Variants in CRK observed in about 807,000 individuals in gnomAD.
CRK encodes the protein CRK proto-oncogene, adaptor protein, also known as adapter molecule crk.
CRK carries 4 observed loss-of-function variants against 29.8 expected under a neutral mutation model. That is an observed-to-expected ratio of 0.13 (90% CI 0.07 to 0.31). The LOEUF (loss-of-function observed/expected upper bound fraction) is 0.31. CRK is among the 10% of genes least tolerant of loss of function. The probability of loss-of-function intolerance (pLI) is 1.00; values close to 1 mark genes in which losing one functional copy is unlikely to be tolerated. For synonymous variants in CRK, 153 were observed against 164.9 expected, an observed-to-expected ratio of 0.93 and a Z score of 0.55; for missense variants, 274 against 396.5, an observed-to-expected ratio of 0.69 and a Z score of 2.62.
intron 1 of CRK, among the ~76,000 whole-genome samples, chr17:1,447,276 A>G (rs910278030): frequency 1.3e-5 from 2 of 152,190 alleles, no homozygotes; most frequent in Admixed American, 1.3e-4. Context: ...TCTCATAGCT[A>G]TCTGGGACTT....
chr17:1,423,621 A>C lies in CRK; in HGVS notation c.807T>G (p.Ile269Met). 6.2e-7 allele frequency: 1 copy of C among 1,614,142 alleles called. No individual in the cohort carries two copies. The highest frequency in any genetic ancestry group is 8.5e-7 in the Non-Finnish European group (1 of 1,180,020). The change falls in exon 3 of 3, where the codon ATT becomes ATG. Residue 269 changes from isoleucine (I) to methionine (M), a missense_variant. Around this residue, in one of 3 missense-constraint regions of CRK, gnomAD observed 121 missense variants for 154.3 expected, o/e 0.78. Transcript: ENST00000300574. ...CCCCTTCCCACTGACCACTCACATTAATCTTCGTAACCTTTACCAGCTCAC... is the reference window on the plus strand; with the variant it reads ...CCCCTTCCCACTGACCACTCACATTCATCTTCGTAACCTTTACCAGCTCAC... ...EVGELVKVTK[I>M]NVSGQWEGEC...
Position 1,436,065 on chromosome 17 carries a change from G to A in CRK, c.777+555C>T, listed in dbSNP as rs1041274041. On this transcript the variant is annotated intron_variant, in intron 2 of 2. Coordinates refer to ENST00000300574, the MANE Select transcript of CRK (RefSeq NM_016823.4). Reference sequence around the variant, plus strand: ...CTTTTTGAATGATTTAGAAAGACCCGTGCACCTGCCACTCCTCGGAATGAG... The same window carrying A: ...CTTTTTGAATGATTTAGAAAGACCCATGCACCTGCCACTCCTCGGAATGAG... Among the ~76,000 whole-genome samples the A allele has an allele frequency of 2.0e-4, 31 of 152,074 alleles. 1 individual carries two copies. Among genetic ancestry groups the A allele is most frequent in the Non-Finnish European group, 7.4e-5 (5 of 68,010 alleles).
intron 1 of CRK, among the ~76,000 whole-genome samples, chr17:1,451,124 C>T (rs1395995873): frequency 1.5e-5 from 2 of 129,534 alleles, no homozygotes; most frequent in African/African-American, 5.9e-5. Flanking sequence ...CCCCACGGGG[C>T]GGAGCTTGCA....
intron 2 of CRK, among the ~76,000 whole-genome samples, chr17:1,425,733 C>CT (rs762974754): frequency 3.9e-5 from 6 of 152,230 alleles, no homozygotes; most frequent in Non-Finnish European, 7.3e-5. Context: ...CCTGACCTCA[C>CT]TTACAGATGG....
At chr17:1,433,691 G>A (rs756052795) in intron 2 of CRK, among the ~76,000 whole-genome samples, 5 of 151,542 alleles carry the variant, frequency 3.3e-5, no homozygotes, top group African/African-American at 9.7e-5. Flanking sequence ...GCTAATTTTT[G>A]TATTTTTAGT....
intron 2 of CRK, among the ~76,000 whole-genome samples, chr17:1,429,754 C>T (rs1396062142): frequency 6.6e-6 from 1 of 151,888 alleles, no homozygotes; most frequent in Non-Finnish European, 1.5e-5. Flanking sequence ...CAAAGCAAGA[C>T]TCCATTTCTA....
At chr17:1,441,561 G>A (rs577850073) in intron 1 of CRK, among the ~76,000 whole-genome samples, 46 of 151,184 alleles carry the variant, frequency 3.0e-4, no homozygotes, top group Admixed American at 9.2e-4. Flanking sequence ...GAGCCATCTT[G>A]GCTCACGGCA....
chr17:1,421,752 T>C lies in CRK; in HGVS notation c.*1761A>G, dbSNP rs1237675283. 1 of 152,190 alleles carries C rather than the reference T, an allele frequency of 6.6e-6. No individual in the cohort carries two copies. The highest frequency in any genetic ancestry group is 2.4e-5 in the African/African-American group (1 of 41,456). The allele number at this position is 152,190 out of a possible 1,614,324, so 9.4% of individuals were successfully genotyped here. On this transcript the variant is annotated 3_prime_UTR_variant, in exon 3 of 3. Transcript: ENST00000300574. ...GTCACTCGGACACCACAATCTGGTA[T>C]AGGTTCAAAGAATGTAAATTTATCA...
chr17:1,428,537 T>TG (rs1298311639), intron 2 of CRK, among the ~76,000 whole-genome samples: 1 of 149,884 alleles, frequency 6.7e-6, no homozygotes, highest in East Asian at 2.0e-4. Flanking sequence ...TTTTTTTTTT[T>TG]TTTTGAGACA....
intron 2 of CRK, among the ~76,000 whole-genome samples, chr17:1,430,639 A>G (rs1473190700): frequency 6.7e-6 from 1 of 148,504 alleles, no homozygotes; most frequent in African/African-American, 2.5e-5. Context: ...TGCTGGGATT[A>G]CAGGCGTGAG....
rs142544032 is a variant in CRK at position 1,449,941 on chromosome 17, G to A, written c.241+5936C>T. 6.3e-3 allele frequency among the ~76,000 whole-genome samples: 954 copies of A among 152,296 alleles called. 14 individuals carry two copies. Among genetic ancestry groups the A allele is most frequent in the African/African-American group, 0.022 (911 of 41,552 alleles). Reference sequence around the variant, plus strand: ...CAGCTGCGCACGGTGGCTCACGCCTGTAATCCTAACACTTTGGGAGGTCAA... The same window carrying A: ...CAGCTGCGCACGGTGGCTCACGCCTATAATCCTAACACTTTGGGAGGTCAA... On this transcript the variant is annotated intron_variant, in intron 1 of 2. Transcript: ENST00000300574.
At chr17:1,449,348 TAAGAA>T (rs1218512671) in intron 1 of CRK, among the ~76,000 whole-genome samples, 4 of 152,110 alleles carry the variant, frequency 2.6e-5, no homozygotes, top group Non-Finnish European at 4.4e-5. Context: ...CTCTCAAAGA[TAAGAA>T]GTTTTCCATT....
chr17:1,451,865 A>C (rs2074021105), intron 1 of CRK, among the ~76,000 whole-genome samples: 1 of 152,188 alleles, frequency 6.6e-6, no homozygotes, highest in African/African-American at 2.4e-5. Context: ...CATGCCTGTA[A>C]TCCCAGCTAC....
At chr17:1,427,201 G>A (rs2073788946) in intron 2 of CRK, among the ~76,000 whole-genome samples, 1 of 150,944 alleles carries the variant, frequency 6.6e-6, no homozygotes, top group African/African-American at 2.4e-5. Flanking sequence ...TGAGGCAGGA[G>A]GATCACTTGA....
rs1011472711 is a variant in CRK, at chr17:1,444,001, A to AT, written c.242-6847dup. ...AGGCGTGAGCCACCCCGCCTGGCCT[A>AT]TTTTTTTTTTTTAATAACGGGGTTT... On this transcript the variant is annotated intron_variant, in intron 1 of 2. Coordinates refer to ENST00000300574, the MANE Select transcript of CRK (RefSeq NM_016823.4). 4.7e-3 allele frequency among the ~76,000 whole-genome samples: 657 copies of AT among 139,408 alleles called. 6 individuals are homozygous for AT. Among genetic ancestry groups the AT allele is most frequent in the African/African-American group, 0.011 (405 of 37,914 alleles). The allele number at this position is 139,408 out of a possible 152,430, so 91.5% of individuals were successfully genotyped here. A position where few individuals can be genotyped will look rare whatever the true frequency, so the allele number is the denominator to read the frequency against.
intron 1 of CRK, among the ~76,000 whole-genome samples, 190 bp downstream of exon 1, chr17:1,455,687 G>A (rs1349124668): frequency 6.6e-6 from 1 of 151,928 alleles, no homozygotes; most frequent in Non-Finnish European, 1.5e-5. Flanking sequence ...GCCTCGGTCC[G>A]CGGCTCCTCC....
At chr17:1,440,431 C>T (rs1021805538) in intron 1 of CRK, among the ~76,000 whole-genome samples, 2 of 151,790 alleles carry the variant, frequency 1.3e-5, no homozygotes, top group African/African-American at 4.8e-5. Flanking sequence ...TCAACGCACT[C>T]CAGCCTGGGG....
chr17:1,448,189 TG>T (rs1472623935), intron 1 of CRK, among the ~76,000 whole-genome samples: 1 of 152,102 alleles, frequency 6.6e-6, no homozygotes, highest in Non-Finnish European at 1.5e-5. Flanking sequence ...GTTCTAAAGA[TG>T]GTGGGTATGA....
chr17:1,427,937 T>C (rs896314488), intron 2 of CRK, among the ~76,000 whole-genome samples: 19 of 151,770 alleles, frequency 1.3e-4, no homozygotes, highest in Admixed American at 8.5e-4. Flanking sequence ...CCAGCCTATA[T>C]TGTCTTTATT....
Sources: gnomAD v4.1 joint callset for allele counts (sites outside exome capture counted in the v4.1 genomes callset) on GRCh38, gnomAD v4.1.1 for gene constraint, gnomAD v4.1.1 regional missense constraint, MANE v1.5 for transcripts, NCBI Gene and HGNC (gene_info 2026-07-23, HGNC 2026-07-21) for gene names.